The following EXOC6B variants were observed in gnomAD, a reference collection of about 807,000 sequenced individuals.
The protein encoded by EXOC6B is exocyst complex component 6B.
EXOC6B carries 54 observed loss-of-function variants against 113.5 expected under a neutral mutation model. The ratio of observed to expected loss-of-function variants is 0.48; its 90% CI spans 0.38 to 0.60. EXOC6B has a LOEUF of 0.60. EXOC6B is among the 20% of genes least tolerant of loss of function. The pLI, the probability that EXOC6B is intolerant of heterozygous loss-of-function variation, is 0.00. For synonymous variants in EXOC6B, 357 were observed against 339.0 expected, an observed-to-expected ratio of 1.05 and a Z score of -0.58; for missense variants, 797 against 977.5, an observed-to-expected ratio of 0.82 and a Z score of 2.46.
At chr2:72,322,809 C>G (rs1266635017) in intron 20 of EXOC6B, among the ~76,000 whole-genome samples, 1 of 151,996 alleles carries the variant, frequency 6.6e-6, no homozygotes, top group African/African-American at 2.4e-5. Flanking sequence ...GAAACTGGAC[C>G]CCTTCCTTAC....
intron 7 of EXOC6B, among the ~76,000 whole-genome samples, chr2:72,567,580 G>A (rs1334752320): frequency 6.6e-6 from 1 of 152,016 alleles, no homozygotes; most frequent in Non-Finnish European, 1.5e-5. Flanking sequence ...TATACCTAAT[G>A]CCCATGTTAG....
intron 20 of EXOC6B, among the ~76,000 whole-genome samples, chr2:72,188,217 C>T (rs1306957712): frequency 2.0e-5 from 3 of 152,222 alleles, no homozygotes; most frequent in Admixed American, 1.3e-4. Flanking sequence ...CTCCCTGCTG[C>T]AGCCAGCATG....
At chr2:72,428,624 G>A (rs758749472) in intron 18 of EXOC6B, among the ~76,000 whole-genome samples, 9 of 152,298 alleles carry the variant, frequency 5.9e-5, no homozygotes, top group Middle Eastern at 3.4e-3. Flanking sequence ...TGAGAAGAGC[G>A]CAGCCTACCA....
At chr2:72,483,310 A>C (rs1204050877) in intron 16 of EXOC6B, among the ~76,000 whole-genome samples, 1 of 152,220 alleles carries the variant, frequency 6.6e-6, no homozygotes, top group Non-Finnish European at 1.5e-5. Flanking sequence ...TGAGAACTGA[A>C]AAATTTCTAT....
At chr2:72,669,340 T>C (rs1185231578) in intron 6 of EXOC6B, among the ~76,000 whole-genome samples, 1 of 151,202 alleles carries the variant, frequency 6.6e-6, no homozygotes, top group African/African-American at 2.4e-5. Context: ...CTAAGAAAGA[T>C]GATTCACTTA....
chr2:72,308,349 A>C (rs9309465), intron 20 of EXOC6B, among the ~76,000 whole-genome samples: 36,112 of 152,120 alleles, frequency 0.24, 8,624 homozygotes, highest in African/African-American at 0.62. Context: ...AAAATCAATT[A>C]TTGTGTACTG....
Position 72,826,029 on chromosome 2 carries a change from C to G in EXOC6B, c.-119G>C. 1 of 1,468,382 alleles carries G rather than the reference C, an allele frequency of 6.8e-7. No homozygotes were observed. Among genetic ancestry groups the G allele is most frequent in the Non-Finnish European group, 9.0e-7 (1 of 1,106,080 alleles). The allele number at this position is 1,468,382 out of a possible 1,614,324, so 91.0% of individuals were successfully genotyped here. A position where few individuals can be genotyped will look rare whatever the true frequency, so the allele number is the denominator to read the frequency against. ...GCCCCAGCCTCTGGCTACCCGCAGG[C>G]CGACCCCTCCCTCAGGCTCGACACG... On this transcript the variant is annotated 5_prime_UTR_variant, in exon 1 of 22. Transcript: ENST00000272427.
intron 20 of EXOC6B, among the ~76,000 whole-genome samples, chr2:72,221,097 T>C (rs1680839627): frequency 6.6e-6 from 1 of 152,228 alleles, no homozygotes; most frequent in Admixed American, 6.5e-5. Flanking sequence ...CATGTATTTG[T>C]AGCCATTAGT....
chr2:72,285,745 A>G (rs1436620433), intron 20 of EXOC6B, among the ~76,000 whole-genome samples: 1 of 152,166 alleles, frequency 6.6e-6, no homozygotes, highest in Non-Finnish European at 1.5e-5. Context: ...ACATCTGATA[A>G]GGGACTATTA....
chr2:72,650,037 C>A (rs6740390), intron 6 of EXOC6B, among the ~76,000 whole-genome samples: 1 of 152,058 alleles, frequency 6.6e-6, no homozygotes, highest in African/African-American at 2.4e-5. Context: ...GCGCGGGGCA[C>A]GACATGAGCA....
At chr2:72,749,165 T>C (rs1273277340) in intron 1 of EXOC6B, among the ~76,000 whole-genome samples, 1 of 152,062 alleles carries the variant, frequency 6.6e-6, no homozygotes, top group African/African-American at 2.4e-5. Context: ...AATTATAAGA[T>C]AAGATATAAA....
intron 1 of EXOC6B, among the ~76,000 whole-genome samples, chr2:72,803,032 T>A (rs1685383754): frequency 6.6e-6 from 1 of 152,176 alleles, no homozygotes; most frequent in Non-Finnish European, 1.5e-5. Context: ...CCTCTTGGAA[T>A]TGTTAGTGCC....
rs538488289 is a variant in EXOC6B, at chr2:72,270,536, C to T, written c.2196+64411G>A. Among the ~76,000 whole-genome samples, 792 of 152,266 alleles carry T rather than the reference C, an allele frequency of 5.2e-3. 5 individuals carry two copies. The highest frequency in any genetic ancestry group is 0.025 in the South Asian group (120 of 4,830). On this transcript the variant is annotated intron_variant, in intron 20 of 21. Coordinates refer to ENST00000272427, the MANE Select transcript of EXOC6B (RefSeq NM_015189.3). ...TGAAGAAACCTTCAGTGAAGTCCAT[C>T]TACCTACCCAACACCCTTGCCCACT... is the stretch of plus-strand genomic sequence containing the variant.
chr2:72,778,707 T>C (rs748888539), intron 1 of EXOC6B, among the ~76,000 whole-genome samples: 1 of 152,148 alleles, frequency 6.6e-6, no homozygotes, highest in Non-Finnish European at 1.5e-5. Context: ...TGACTAAGAT[T>C]TGCTATTAGT....
intron 6 of EXOC6B, among the ~76,000 whole-genome samples, chr2:72,667,929 G>A (rs1213931710): frequency 2.0e-5 from 3 of 152,074 alleles, no homozygotes; most frequent in Non-Finnish European, 4.4e-5. Flanking sequence ...CAATAAACAG[G>A]CAACCTACAG....
chr2:72,483,795 C>A (rs1259473287), intron 16 of EXOC6B, among the ~76,000 whole-genome samples: 4 of 152,138 alleles, frequency 2.6e-5, no homozygotes, highest in Admixed American at 6.5e-5. Context: ...TAAAATGAAG[C>A]AATTTCAGAT....
chr2:72,458,716 C>T (rs888638324), intron 18 of EXOC6B, among the ~76,000 whole-genome samples: 3 of 151,984 alleles, frequency 2.0e-5, no homozygotes, highest in Non-Finnish European at 4.4e-5. Flanking sequence ...ACAGTACAGC[C>T]TTGCAAGAAA....
chr2:72,707,376 C>T (rs1678952443), intron 6 of EXOC6B, among the ~76,000 whole-genome samples: 1 of 151,724 alleles, frequency 6.6e-6, no homozygotes, highest in Admixed American at 6.6e-5. Context: ...TCATTTTCTA[C>T]CTTATAGTCC....
At chr2:72,647,334 T>C (rs1476549673) in intron 6 of EXOC6B, among the ~76,000 whole-genome samples, 1 of 152,144 alleles carries the variant, frequency 6.6e-6, no homozygotes, top group East Asian at 1.9e-4. Flanking sequence ...ATCAATACCA[T>C]GAAAATGGCC....
Sources: gnomAD v4.1 joint callset for allele counts (sites outside exome capture counted in the v4.1 genomes callset) on GRCh38, gnomAD v4.1.1 for gene constraint, MANE v1.5 for transcripts, NCBI Gene and HGNC (gene_info 2026-07-23, HGNC 2026-07-21) for gene names.